Variants in ZEB1 observed in about 807,000 individuals in gnomAD.
ZEB1 encodes zinc finger E-box binding homeobox 1, also known as zinc finger E-box-binding homeobox 1.
ZEB1 carries 21 observed loss-of-function variants against 84.9 expected under a neutral mutation model. That is an observed-to-expected ratio of 0.25 (90% confidence interval 0.18 to 0.36). The LOEUF (loss-of-function observed/expected upper bound fraction) is 0.36, where lower values mean the gene tolerates loss of function less well. Among genes scored for constraint, ZEB1 ranks in the 10% least tolerant of loss-of-function variants. ZEB1 has a pLI of 1.00. For missense variants in ZEB1, 1,104 were observed against 1,330.2 expected, an observed-to-expected ratio of 0.83 and a Z score of 2.65; for synonymous variants, 420 against 471.1, an observed-to-expected ratio of 0.89 and a Z score of 1.41.
rs903777171 is a variant in ZEB1, at chr10:31,509,402, C to G, written c.485-1271C>G. Among the ~76,000 whole-genome samples the G allele has an allele frequency of 2.0e-5, 3 of 152,192 alleles. No individual in the cohort carries two copies. The South Asian group carries it at 6.2e-4, about 31-fold the overall frequency. On this transcript the variant is annotated intron_variant, in intron 4 of 8. Transcript: ENST00000424869. ...AGAGCCTTTGCAGGTTGCTTTACTT[C>G]CTTCTTCCTTACTTGAGGTGTTTCC...
At position 31,527,412 on chromosome 10, in the gene ZEB1, AACACACACACAC is replaced by A. The variant is rs3086583; in HGVS notation, c.*178_*189del. ...AAAACTAAAAAAATACAAAATACAA[AACACACACACAC>A]ACACACACACACACACACACACACA... On this transcript the variant is annotated 3_prime_UTR_variant, in exon 9 of 9. Transcript: ENST00000424869. 699 of 515,552 alleles carry A rather than the reference AACACACACACAC, an allele frequency of 1.4e-3. 1 individual carries two copies. Among genetic ancestry groups the A allele is most frequent in the Middle Eastern group, 3.3e-3 (6 of 1,820 alleles). 31.9% of individuals were successfully genotyped at this position (515,552 alleles called of 1,614,324 possible). A position where few individuals can be genotyped will look rare whatever the true frequency, so the allele number is the denominator to read the frequency against.
chr10:31,505,205 T>C (rs986962765), intron 4 of ZEB1, among the ~76,000 whole-genome samples: 2 of 152,130 alleles, frequency 1.3e-5, no homozygotes, highest in Non-Finnish European at 2.9e-5. Context: ...TTTTTGAGGA[T>C]TTTGTATCTG....
chr10:31,479,402 CT>C (rs1461802716), intron 2 of ZEB1, among the ~76,000 whole-genome samples: 1 of 151,890 alleles, frequency 6.6e-6, no homozygotes, highest in South Asian at 2.1e-4. Flanking sequence ...CAAAGTCATT[CT>C]GTAAGACCAG....
intron 2 of ZEB1, among the ~76,000 whole-genome samples, chr10:31,476,838 G>T (rs1025503925): frequency 6.6e-6 from 1 of 151,922 alleles, no homozygotes; most frequent in Middle Eastern, 3.2e-3. Flanking sequence ...AGATGCAGAA[G>T]AGGCTGTTGG....
At chr10:31,431,755 A>G (rs1014286560) in intron 1 of ZEB1, among the ~76,000 whole-genome samples, 2 of 152,186 alleles carry the variant, frequency 1.3e-5, no homozygotes, top group African/African-American at 4.8e-5. Flanking sequence ...TGAAAACATT[A>G]CTTTCAATCA....
chr10:31,353,590 A>G (rs944683183), intron 1 of ZEB1, among the ~76,000 whole-genome samples: 6 of 152,260 alleles, frequency 3.9e-5, no homozygotes, highest in African/African-American at 1.2e-4. Context: ...CAAATTGACA[A>G]GTACCTAGCC....
chr10:31,446,899 G>T (rs1460717005), intron 1 of ZEB1, among the ~76,000 whole-genome samples: 2 of 152,116 alleles, frequency 1.3e-5, no homozygotes, highest in African/African-American at 2.4e-5. Context: ...TTTGATTTGG[G>T]GTGGAGAGTT....
intron 1 of ZEB1, among the ~76,000 whole-genome samples, chr10:31,339,161 T>A (rs895652781): frequency 6.6e-6 from 1 of 152,226 alleles, no homozygotes; most frequent in African/African-American, 2.4e-5. Context: ...GATCTCATCC[T>A]GTAGCCATAT....
In ZEB1 at chr10:31,373,193, TTGTGTGTGTG is replaced by T. The variant is rs527915359; in HGVS notation, c.58+53917_58+53926del. 9 of 973,050 alleles carry T rather than the reference TTGTGTGTGTG, an allele frequency of 9.2e-6. No homozygotes were observed. The African/African-American group carries it at 1.1e-4, about 12-fold the overall frequency. 60.3% of individuals were successfully genotyped at this position (973,050 alleles called of 1,614,324 possible). On this transcript the variant is annotated intron_variant, in intron 1 of 8. Transcript: ENST00000424869. ...TCAATGGTAAGAGTTTTCATTTAAATTGTGTGTGTGTGTGTGTGTGTGTGTAAAGCCTACC... is the reference window on the plus strand; with the variant it reads ...TCAATGGTAAGAGTTTTCATTTAAATTGTGTGTGTGTGTGTAAAGCCTACC...
intron 2 of ZEB1, among the ~76,000 whole-genome samples, chr10:31,463,940 T>A (rs1023262924): frequency 6.6e-6 from 1 of 152,188 alleles, no homozygotes; most frequent in Non-Finnish European, 1.5e-5. Flanking sequence ...CCATAAAGGC[T>A]AATTACTAGA....
upstream of ZEB1, chr10:31,318,723 T>A (rs903073823): frequency 6.2e-6 from 1 of 162,598 alleles, no homozygotes; most frequent in Non-Finnish European, 1.3e-5. Flanking sequence ...GGCGTGGGAC[T>A]GATGGTAGCC....
intron 1 of ZEB1, among the ~76,000 whole-genome samples, chr10:31,397,155 GTT>G (rs898067735): frequency 1.6e-5 from 2 of 121,476 alleles, no homozygotes; most frequent in African/African-American, 6.0e-5. Flanking sequence ...TTCATCTTGG[GTT>G]TTTTATTATT....
chr10:31,461,446 T>G (rs765055914), intron 2 of ZEB1, among the ~76,000 whole-genome samples: 1 of 152,148 alleles, frequency 6.6e-6, no homozygotes, highest in Non-Finnish European at 1.5e-5. Flanking sequence ...TATAATGTAT[T>G]GAAATTTAGT....
chr10:31,352,248 C>T (rs927254376), intron 1 of ZEB1, among the ~76,000 whole-genome samples: 1 of 152,084 alleles, frequency 6.6e-6, no homozygotes, highest in Non-Finnish European at 1.5e-5. Flanking sequence ...ATTTTAAGTG[C>T]TGAACCATGT....
At chr10:31,415,070 C>T (rs185555431) in intron 1 of ZEB1, among the ~76,000 whole-genome samples, 32 of 152,246 alleles carry the variant, frequency 2.1e-4, no homozygotes, top group African/African-American at 7.0e-4. Flanking sequence ...ATTTTACAAT[C>T]CACTTTGCCC....
At chr10:31,329,264 C>T (rs1404958493) in intron 1 of ZEB1, among the ~76,000 whole-genome samples, 1 of 152,094 alleles carries the variant, frequency 6.6e-6, no homozygotes, top group African/African-American at 2.4e-5. Flanking sequence ...TCTAGAGTTT[C>T]ATATAAACCG....
At chr10:31,473,728 C>T (rs2063629332) in intron 2 of ZEB1, among the ~76,000 whole-genome samples, 2 of 149,868 alleles carry the variant, frequency 1.3e-5, no homozygotes, top group Admixed American at 1.3e-4. Flanking sequence ...TCATATGGAA[C>T]CAAAAAAGAG....
chr10:31,472,422 A>G (rs944085703), intron 2 of ZEB1, among the ~76,000 whole-genome samples: 3 of 152,230 alleles, frequency 2.0e-5, no homozygotes, highest in Non-Finnish European at 2.9e-5. Context: ...AGAGAATACT[A>G]CAAATACCTC....
At chr10:31,451,175 T>G (rs2060521377) in intron 1 of ZEB1, among the ~76,000 whole-genome samples, 1 of 152,216 alleles carries the variant, frequency 6.6e-6, no homozygotes, top group East Asian at 1.9e-4. Context: ...TGATAATTAT[T>G]TACATTTTCC....
Sources: allele counts gnomAD v4.1 joint callset (sites outside exome capture counted in the v4.1 genomes callset), GRCh38; gene constraint gnomAD v4.1.1; transcripts MANE v1.5; gene names NCBI Gene and HGNC (gene_info 2026-07-23, HGNC 2026-07-21).